Variants in DOT1L observed in about 807,000 individuals in gnomAD.
The protein encoded by DOT1L is DOT1 like histone lysine methyltransferase.
Under a neutral mutation model 153.3 loss-of-function variants are expected in DOT1L, and 33 were observed. The observed-to-expected ratio is 0.22, with a 90% CI of 0.16 to 0.29. DOT1L has a LOEUF of 0.29. Among genes scored for constraint, DOT1L ranks in the 10% least tolerant of loss-of-function variants. The pLI is 1.00. For missense variants in DOT1L, 1,847 were observed against 2,119.9 expected (o/e 0.87, Z 2.53); for synonymous variants, 1,135 against 965.1 (o/e 1.18, Z -3.26).
At chr19:2,205,962 T>C (rs2023473922) in intron 9 of DOT1L, among the ~76,000 whole-genome samples, 3 of 152,116 alleles carry the variant, frequency 2.0e-5, no homozygotes, top group Admixed American at 6.5e-5. Context: ...AATGCTGGGT[T>C]TACAGGCGTG....
intron 1 of DOT1L, among the ~76,000 whole-genome samples, chr19:2,177,007 A>T (rs113525926): frequency 1.3e-4 from 20 of 152,286 alleles, no homozygotes; most frequent in African/African-American, 4.8e-4. Context: ...CCCAGCCCCT[A>T]TCCAGAGAGC....
intron 1 of DOT1L, among the ~76,000 whole-genome samples, chr19:2,173,802 C>T (rs948771883): frequency 2.6e-5 from 4 of 152,204 alleles, no homozygotes; most frequent in Non-Finnish European, 4.4e-5. Flanking sequence ...GGGGTCGCTC[C>T]GGTTGTGTTT....
chr19:2,226,727 G>T lies in DOT1L; in HGVS notation c.4206G>T (p.Lys1402Asn). ...GGLPLCGPTD[K>N]TPLLSGKAAK... ...TACCGCTGTGCGGGCCCACGGACAA[G>T]ACCCCACTGCTGAGCGGCAAGGCCG... The change falls in exon 27 of 28, where the codon AAG becomes AAT. Residue 1402 changes from lysine (K) to asparagine (N), a missense_variant. Coordinates refer to ENST00000398665, the MANE Select transcript of DOT1L (RefSeq NM_032482.3). 1 of 1,562,532 alleles carries T rather than the reference G, an allele frequency of 6.4e-7. No homozygotes were observed. The highest frequency in any genetic ancestry group is 8.6e-7 in the Non-Finnish European group (1 of 1,159,082).
At chr19:2,214,357 C>T in intron 18 of DOT1L, 114 bp from the exon 19 acceptor site, 1 of 1,498,218 alleles carries the variant, frequency 6.7e-7, no homozygotes, top group Non-Finnish European at 8.9e-7. Flanking sequence ...GGGTCTGTGC[C>T]CTAAGCACAC....
intron 1 of DOT1L, among the ~76,000 whole-genome samples, chr19:2,175,001 TA>T (rs1179187356): frequency 1.2e-3 from 147 of 119,008 alleles, no homozygotes; most frequent in Middle Eastern, 8.5e-3. Flanking sequence ...TGTGTATATA[TA>T]TATTTTTTTT....
Position 2,193,858 on chromosome 19 carries a change from C to T in DOT1L, c.588+75C>T, listed in dbSNP as rs2022900640. On this transcript the variant is annotated intron_variant, in intron 6 of 27. Coordinates refer to ENST00000398665, the MANE Select transcript of DOT1L (RefSeq NM_032482.3). The surrounding 1 kb of genome is among the most constrained non-coding windows in gnomAD (Gnocchi z 5.9). ...GAAAGTGACGCCCTGGGTGCCTGCA[C>T]CCCACTGCTGTGGGACTTCCGAGTC... 6.8e-7 allele frequency: 1 copy of T among 1,476,996 alleles called. No individual in the cohort carries two copies. Among genetic ancestry groups the T allele is most frequent in the Non-Finnish European group, 9.3e-7 (1 of 1,076,384 alleles). 91.5% of individuals were successfully genotyped at this position (1,476,996 alleles called of 1,614,324 possible).
At position 2,176,624 on chromosome 19, in the gene DOT1L, G is replaced by A. The variant is rs189293130; in HGVS notation, c.82-4089G>A. 6.0e-4 allele frequency among the ~76,000 whole-genome samples: 91 copies of A among 152,268 alleles called. 1 individual carries two copies. Among genetic ancestry groups the A allele is most frequent in the African/African-American group, 2.0e-3 (83 of 41,552 alleles). ...AGTAAGGCCTGCGCCTGTGAGAAGC[G>A]CTTGGCTGAATCCTAGGAAGGGGGA... On this transcript the variant is annotated intron_variant, in intron 1 of 27. Transcript: ENST00000398665.
intron 1 of DOT1L, among the ~76,000 whole-genome samples, chr19:2,166,376 A>G (rs12460807): frequency 0.47 from 70,387 of 151,098 alleles, 16,407 homozygotes; most frequent in East Asian, 0.48. Flanking sequence ...GATTACAGGC[A>G]CGAGCCACCT....
Position 2,202,457 on chromosome 19 carries a change from A to C in DOT1L, c.708-243A>C, listed in dbSNP as rs192922656. On this transcript the variant is annotated intron_variant, in intron 8 of 27. Transcript: ENST00000398665. ...CAGATCACTGGACTCCAAGATTCAC[A>C]ATAAGAGACTTGGTCACGAATCCTG... Among the ~76,000 whole-genome samples the C allele has an allele frequency of 5.3e-5, 8 of 152,344 alleles. No homozygotes were observed. The East Asian group carries it at 1.2e-3, about 22-fold the overall frequency.
chr19:2,221,581 C>T (rs796665599), intron 23 of DOT1L: 77 of 217,676 alleles, frequency 3.5e-4, no homozygotes, highest in African/African-American at 1.4e-3. Flanking sequence ...GAGTTGTCTT[C>T]TGAGAACAGG....
At position 2,193,862 on chromosome 19, in the gene DOT1L, ACTGCTGT is replaced by A; in HGVS notation, c.588+80_588+86del. 6.4e-6 allele frequency: 9 copies of A among 1,412,354 alleles called. No homozygotes were observed. Among genetic ancestry groups the A allele is most frequent in the Non-Finnish European group, 6.9e-6 (7 of 1,020,664 alleles). 87.5% of individuals were successfully genotyped at this position (1,412,354 alleles called of 1,614,324 possible). A position where few individuals can be genotyped will look rare whatever the true frequency, so the allele number is the denominator to read the frequency against. ...GTGACGCCCTGGGTGCCTGCACCCC[ACTGCTGT>A]GGGACTTCCGAGTCTGGGTGGCGTT... On this transcript the variant is annotated intron_variant, in intron 6 of 27. Coordinates refer to ENST00000398665, the MANE Select transcript of DOT1L (RefSeq NM_032482.3). The surrounding 1 kb of genome is among the most constrained non-coding windows in gnomAD (Gnocchi z 5.9).
Position 2,211,090 on chromosome 19 carries a change from C to T in DOT1L, c.1352-9C>T. 1 of 1,610,650 alleles carries T rather than the reference C, an allele frequency of 6.2e-7. No homozygotes were observed. Among genetic ancestry groups the T allele is most frequent in the Middle Eastern group, 1.7e-4 (1 of 6,052 alleles). On this transcript the variant is annotated splice_polypyrimidine_tract_variant and intron_variant, in intron 14 of 27. Transcript: ENST00000398665. ...GCCCTGTGCTGACGCCTGCCCTCCG[C>T]TCTCCCAGATGCCTACAGATCCCCT...
rs34982309 is a variant in DOT1L, at chr19:2,191,686, G to A, written c.493+446G>A. Reference sequence around the variant, plus strand: ...GCTGGAAAGGTCCCCCGCGGAGGAAGACCCCAGGTCCCTGGGCTCCCGGAG... The same window carrying A: ...GCTGGAAAGGTCCCCCGCGGAGGAAAACCCCAGGTCCCTGGGCTCCCGGAG... On this transcript the variant is annotated intron_variant, in intron 5 of 27. Coordinates refer to ENST00000398665, the MANE Select transcript of DOT1L (RefSeq NM_032482.3). This position sits in a 1 kb window ranked among gnomAD's most constrained non-coding sequence, Gnocchi z 6.8. Among the ~76,000 whole-genome samples, 58,567 of 151,960 alleles carry A rather than the reference G, an allele frequency of 0.39. 11,831 individuals are homozygous for A. The highest frequency in any genetic ancestry group is 0.48 in the Middle Eastern group (141 of 294).
chr19:2,189,925 G>T (rs924072599), intron 4 of DOT1L, 130 bp downstream of exon 4: 4 of 1,042,390 alleles, frequency 3.8e-6, no homozygotes, highest in East Asian at 2.6e-5. Flanking sequence ...TGTGCAGCGT[G>T]GGGGGACGAT....
intron 5 of DOT1L, among the ~76,000 whole-genome samples, chr19:2,192,188 C>T (rs2022824594): frequency 6.6e-6 from 1 of 152,194 alleles, no homozygotes; most frequent in East Asian, 1.9e-4. Context: ...GCCCCAGGGG[C>T]AGGGACCAAG....
At chr19:2,223,511 G>A (rs2024209616) in intron 25 of DOT1L, 25 bp downstream of exon 25, 8 of 1,565,448 alleles carry the variant, frequency 5.1e-6, no homozygotes, top group Non-Finnish European at 6.9e-6. Context: ...CCGGAGGGGG[G>A]CGGGGCCTGG....
intron 27 of DOT1L, chr19:2,227,562 C>T: frequency 2.9e-6 from 2 of 698,374 alleles, no homozygotes; most frequent in Non-Finnish European, 4.1e-6. Flanking sequence ...GGGCGGGGGG[C>T]CGGAGGGCGG....
intron 1 of DOT1L, among the ~76,000 whole-genome samples, chr19:2,179,762 G>A (rs956391587): frequency 6.6e-6 from 1 of 152,106 alleles, no homozygotes; most frequent in Non-Finnish European, 1.5e-5. Context: ...AGCCGAGATT[G>A]CACCACTTCA....
At chr19:2,201,856 G>A (rs2023300258) in intron 8 of DOT1L, among the ~76,000 whole-genome samples, 1 of 152,224 alleles carries the variant, frequency 6.6e-6, no homozygotes, top group African/African-American at 2.4e-5. Flanking sequence ...CTCTGGCTCT[G>A]GGCACAGCGT....
Sources: gnomAD v4.1 joint callset for allele counts (sites outside exome capture counted in the v4.1 genomes callset) on GRCh38, gnomAD v4.1.1 for gene constraint, Gnocchi (gnomAD v3.1) non-coding constraint, MANE v1.5 for transcripts, NCBI Gene and HGNC (gene_info 2026-07-23, HGNC 2026-07-21) for gene names.